The following TBC1D2B variants were observed in gnomAD, a reference collection of about 807,000 sequenced individuals.
The protein encoded by TBC1D2B is TBC1 domain family, member 2B.
A neutral mutation model predicts 100.8 loss-of-function variants in TBC1D2B; 64 were observed. That is an observed-to-expected ratio of 0.64 (90% CI 0.52 to 0.78). TBC1D2B has a LOEUF of 0.78. TBC1D2B is among the 30% of genes least tolerant of loss of function. The probability of loss-of-function intolerance (pLI) is 0.00; values close to 1 mark genes in which losing one functional copy is unlikely to be tolerated. For missense variants in TBC1D2B, 1,052 were observed against 1,218.4 expected, an observed-to-expected ratio of 0.86 and a Z score of 2.03; for synonymous variants, 480 against 479.7, an observed-to-expected ratio of 1.00 and a Z score of -0.01.
At chr15:78,039,134 A>G (rs915886769) in intron 3 of TBC1D2B, among the ~76,000 whole-genome samples, 1 of 152,240 alleles carries the variant, frequency 6.6e-6, no homozygotes, top group Non-Finnish European at 1.5e-5. Flanking sequence ...AGGCAGCAGC[A>G]TGGTGACTAC....
At position 78,030,110 on chromosome 15, in the gene TBC1D2B, A is replaced by C. The variant is rs751488426; in HGVS notation, c.744T>G (p.Phe248Leu). 1 of 1,613,920 alleles carries C rather than the reference A, an allele frequency of 6.2e-7. No individual in the cohort carries two copies. Among genetic ancestry groups the C allele is most frequent in the Non-Finnish European group, 8.5e-7 (1 of 1,179,816 alleles). Reference protein sequence around the residue: ...RGHNDSRRTVFYTNEEWELLD... With the variant: ...RGHNDSRRTVLYTNEEWELLD... The stretch of plus-strand genomic sequence containing the variant: ...AAAGTTCCCACTCTTCATTGGTATA[A>C]AACACAGTCCTCCGACTATCATTAT... The change falls in exon 4 of 13, where the codon TTT becomes TTG. Residue 248 changes from phenylalanine to leucine, a missense_variant. Physicochemically the swap from Phe to Leu is conservative, Grantham distance 22. This residue lies in a region of TBC1D2B where 627 missense variants were observed against 646.1 expected (regional missense o/e 0.97). Transcript: ENST00000300584.
chr15:78,040,614 AAGAAAGAG>A (rs2073053044), intron 3 of TBC1D2B, among the ~76,000 whole-genome samples: 3 of 61,450 alleles, frequency 4.9e-5, no homozygotes, highest in African/African-American at 1.7e-4. Context: ...GTGAGAGAGA[AAGAAAGAG>A]AGAGAGAAAG....
intron 9 of TBC1D2B, among the ~76,000 whole-genome samples, chr15:78,009,552 AAAG>A (rs2072164165): frequency 1.3e-5 from 2 of 152,098 alleles, no homozygotes; most frequent in Non-Finnish European, 2.9e-5. Flanking sequence ...TAAAAAAAAA[AAAG>A]GAGGGGGTGC....
chr15:78,023,235 G>A (rs2072560846), intron 6 of TBC1D2B, among the ~76,000 whole-genome samples: 1 of 152,172 alleles, frequency 6.6e-6, no homozygotes, highest in East Asian at 1.9e-4. Flanking sequence ...AGATGAGGGT[G>A]GCCAGGTGAG....
At chr15:78,075,677 G>A (rs978518942) in intron 1 of TBC1D2B, among the ~76,000 whole-genome samples, 38 of 152,202 alleles carry the variant, frequency 2.5e-4, no homozygotes, top group African/African-American at 8.4e-4. Context: ...GTTTATACAG[G>A]CACTCTCTAA....
chr15:78,015,631 T>C (rs1371254840), intron 8 of TBC1D2B, among the ~76,000 whole-genome samples: 1 of 152,204 alleles, frequency 6.6e-6, no homozygotes, highest in Non-Finnish European at 1.5e-5. Flanking sequence ...GGGCCTGTCC[T>C]CACCACTCAC....
intron 3 of TBC1D2B, 23 bp downstream of exon 3, chr15:78,044,877 T>C: frequency 6.4e-7 from 1 of 1,572,582 alleles, no homozygotes. Context: ...TTCAATTTCA[T>C]ATGCTGCTTT....
intron 3 of TBC1D2B, among the ~76,000 whole-genome samples, chr15:78,039,647 G>T (rs996485673): frequency 3.9e-5 from 6 of 152,036 alleles, no homozygotes; most frequent in Non-Finnish European, 8.8e-5. Context: ...GCAGGCCTGG[G>T]TTGTGTAGCC....
At chr15:78,023,201 A>G (rs1254421859) in intron 6 of TBC1D2B, among the ~76,000 whole-genome samples, 3 of 151,980 alleles carry the variant, frequency 2.0e-5, no homozygotes, top group African/African-American at 7.3e-5. Context: ...AGAGCCAAAC[A>G]CCCTCGGAGA....
At chr15:78,049,368 T>C (rs2073264557) in intron 2 of TBC1D2B, among the ~76,000 whole-genome samples, 1 of 152,188 alleles carries the variant, frequency 6.6e-6, no homozygotes, top group Non-Finnish European at 1.5e-5. Flanking sequence ...ATGACCAAAT[T>C]AATCCATAAA....
At chr15:78,003,116 G>C (rs934350409) in intron 11 of TBC1D2B, 189 bp downstream of exon 11, 1 of 559,590 alleles carries the variant, frequency 1.8e-6, no homozygotes, top group African/African-American at 1.9e-5. Flanking sequence ...GAATGTTTCT[G>C]ATACATGAAC....
intron 2 of TBC1D2B, among the ~76,000 whole-genome samples, chr15:78,052,870 A>G (rs1168661777): frequency 1.3e-5 from 2 of 152,134 alleles, no homozygotes; most frequent in Non-Finnish European, 2.9e-5. Context: ...CAGTGACTCG[A>G]CTCTGAACGA....
Position 78,045,021 on chromosome 15 carries a change from C to T in TBC1D2B, c.562G>A (p.Val188Ile). 2 of 1,613,178 alleles carry T rather than the reference C, an allele frequency of 1.2e-6. No homozygotes were observed. Among genetic ancestry groups the T allele is most frequent in the Non-Finnish European group, 1.7e-6 (2 of 1,179,450 alleles). Residue 188 changes from valine to isoleucine, a missense_variant, in exon 3 of 13, where the codon GTC (valine) becomes ATC (isoleucine). Val to Ile is a conservative substitution (Grantham distance 29, BLOSUM62 3). This residue lies in a region of TBC1D2B where 627 missense variants were observed against 646.1 expected (regional missense o/e 0.97). Coordinates refer to ENST00000300584, the MANE Select transcript of TBC1D2B (RefSeq NM_144572.2). ...CCAGGCACAGTCTCCACAGCTAGGA[C>T]ATTTCTGGCTTTTTCTGCAGAAGCA... Reference protein sequence around the residue: ...PNASAEKARNVLAVETVPGEL... With the variant: ...PNASAEKARNILAVETVPGEL...
chr15:78,073,191 A>G (rs887820447), intron 1 of TBC1D2B, among the ~76,000 whole-genome samples: 61 of 152,318 alleles, frequency 4.0e-4, no homozygotes, highest in Non-Finnish European at 4.0e-4. Flanking sequence ...TCTAGCCTCT[A>G]TTACCTCATA....
chr15:78,048,889 G>C (rs943308570), intron 2 of TBC1D2B, among the ~76,000 whole-genome samples: 7 of 152,190 alleles, frequency 4.6e-5, no homozygotes, highest in Non-Finnish European at 1.0e-4. Context: ...TGTACAGTGG[G>C]AGAATTCTCA....
At chr15:78,015,840 T>G (rs1158068279) in intron 8 of TBC1D2B, among the ~76,000 whole-genome samples, 1 of 152,196 alleles carries the variant, frequency 6.6e-6, no homozygotes. Context: ...AGCATATTTC[T>G]GTCATCTGAG....
chr15:78,034,669 C>A, intron 3 of TBC1D2B: 2 of 985,404 alleles, frequency 2.0e-6, no homozygotes, highest in Non-Finnish European at 2.4e-6. Flanking sequence ...AAGCCTGAGT[C>A]GTACGCTGCC....
rs1196082774 is a variant in TBC1D2B, at chr15:78,077,457, A to G, written c.196T>C (p.Tyr66His). ...TGCGGACTCTTGAAATAGTAAAGGT[A>G]GCAGCGGCGCGCGTCGAACACGAAC... ...RWFVFDARRC[Y>H]LYYFKSPQDA... Residue 66 changes from tyrosine (Y) to histidine (H), a missense_variant, in exon 1 of 13, where the codon TAC becomes CAC. By Grantham distance (83) the Tyr-to-His change is moderately conservative. Around this residue, in one of 4 missense-constraint regions of TBC1D2B, gnomAD observed 627 missense variants for 646.1 expected, o/e 0.97. Coordinates refer to ENST00000300584, the MANE Select transcript of TBC1D2B (RefSeq NM_144572.2). 4 of 1,539,874 alleles carry G rather than the reference A, an allele frequency of 2.6e-6. No homozygotes were observed. The highest frequency in any genetic ancestry group is 3.5e-6 in the Non-Finnish European group (4 of 1,142,984).
intron 10 of TBC1D2B, among the ~76,000 whole-genome samples, chr15:78,006,271 G>C (rs2072064670): frequency 6.6e-6 from 1 of 152,192 alleles, no homozygotes; most frequent in African/African-American, 2.4e-5. Context: ...GTCTTTGAAA[G>C]CTATTAGCTT....
Sources: gnomAD v4.1 joint callset for allele counts (sites outside exome capture counted in the v4.1 genomes callset) on GRCh38, gnomAD v4.1.1 for gene constraint, gnomAD v4.1.1 regional missense constraint, MANE v1.5 for transcripts, NCBI Gene and HGNC (gene_info 2026-07-23, HGNC 2026-07-21) for gene names.